ZFAT: variants seen among roughly 807,000 people sequenced by gnomAD.
The protein encoded by ZFAT is zinc finger protein ZFAT.
Under a neutral mutation model 117.7 loss-of-function variants are expected in ZFAT, and 64 were observed. The observed-to-expected ratio is 0.54, with a 90% CI of 0.44 to 0.67. ZFAT has a LOEUF of 0.67. ZFAT is among the 30% of genes least tolerant of loss of function. ZFAT has a pLI of 0.00. For missense variants in ZFAT, 1,433 were observed against 1,584.5 expected, an observed-to-expected ratio of 0.90 and a Z score of 1.62; for synonymous variants, 679 against 615.0, an observed-to-expected ratio of 1.10 and a Z score of -1.54.
intron 11 of ZFAT, among the ~76,000 whole-genome samples, chr8:134,540,412 T>C (rs908957914): frequency 2.0e-5 from 3 of 152,364 alleles, no homozygotes; most frequent in Admixed American, 6.5e-5. Flanking sequence ...AATGTGGTCA[T>C]CTGAGGCTCC....
At chr8:134,683,470 T>C (rs1247266014) in intron 1 of ZFAT, among the ~76,000 whole-genome samples, 1 of 152,116 alleles carries the variant, frequency 6.6e-6, no homozygotes, top group Non-Finnish European at 1.5e-5. Context: ...GAGATCCCTG[T>C]GGCTGGAGCA....
the ZFAT span, among the ~76,000 whole-genome samples, chr8:134,828,026 CT>C: frequency 4.6e-5 from 7 of 152,056 alleles, no homozygotes; most frequent in African/African-American, 1.7e-4. Context: ...GTATACTCAC[CT>C]TTTTTACATG....
chr8:134,483,601 C>G (rs1342411989), intron 15 of ZFAT, among the ~76,000 whole-genome samples: 3 of 152,162 alleles, frequency 2.0e-5, no homozygotes, highest in Non-Finnish European at 4.4e-5. Context: ...TGTCATTATC[C>G]CCTGAGATGA....
At chr8:134,512,918 A>T (rs1232783310) in intron 13 of ZFAT, among the ~76,000 whole-genome samples, 6 of 152,216 alleles carry the variant, frequency 3.9e-5, no homozygotes, top group Non-Finnish European at 8.8e-5. Context: ...ATACACTTAG[A>T]TTCTAACGGC....
chr8:134,598,604 G>C (rs1196915072), intron 7 of ZFAT: 2 of 152,290 alleles, frequency 1.3e-5, no homozygotes, highest in African/African-American at 4.8e-5. Flanking sequence ...TGAACCATGG[G>C]TCCCTCACAA....
the ZFAT span, among the ~76,000 whole-genome samples, chr8:134,734,557 T>C: frequency 6.6e-6 from 1 of 152,170 alleles, no homozygotes; most frequent in Non-Finnish European, 1.5e-5. Flanking sequence ...GAACAAACCC[T>C]CGTGGCACAG....
the ZFAT span, among the ~76,000 whole-genome samples, chr8:134,828,327 C>G: frequency 1.3e-5 from 2 of 152,178 alleles, no homozygotes; most frequent in Non-Finnish European, 2.9e-5. Context: ...TGCCCAGTAT[C>G]CCGAAGTTGG....
intron 1 of ZFAT, 120 bp downstream of exon 1, chr8:134,712,725 G>GGC (rs1193949002): frequency 2.7e-6 from 2 of 750,534 alleles, no homozygotes; most frequent in Non-Finnish European, 3.7e-6. Flanking sequence ...CTCCGCGGCC[G>GGC]GCGGCCGGCG....
intron 12 of ZFAT, among the ~76,000 whole-genome samples, chr8:134,521,603 T>C (rs1563804137): frequency 6.6e-6 from 1 of 152,070 alleles, no homozygotes; most frequent in Admixed American, 6.6e-5. Flanking sequence ...TTAGATGCTT[T>C]AATTAAGAGA....
At chr8:134,801,881 T>C in the ZFAT span, among the ~76,000 whole-genome samples, 1 of 152,314 alleles carries the variant, frequency 6.6e-6, no homozygotes, top group East Asian at 1.9e-4. Context: ...TCTGTGATTC[T>C]GAAAGCATGG....
chr8:134,565,156 G>A, intron 11 of ZFAT, 177 bp downstream of exon 11: 2 of 1,530,590 alleles, frequency 1.3e-6, no homozygotes, highest in Non-Finnish European at 1.7e-6. Context: ...TACGCTTCTG[G>A]AACGAGAGAG....
intron 10 of ZFAT, among the ~76,000 whole-genome samples, chr8:134,581,637 G>A (rs1361040791): frequency 6.6e-6 from 1 of 152,156 alleles, no homozygotes; most frequent in Non-Finnish European, 1.5e-5. Flanking sequence ...CCTGCCTGGA[G>A]TGCAGTGGTG....
At chr8:134,759,935 C>T in the ZFAT span, among the ~76,000 whole-genome samples, 1 of 145,068 alleles carries the variant, frequency 6.9e-6, no homozygotes, top group Non-Finnish European at 1.5e-5. Context: ...CATGCCACTG[C>T]ACTCCAGACT....
chr8:134,791,632 T>C, the ZFAT span, among the ~76,000 whole-genome samples: 3 of 152,250 alleles, frequency 2.0e-5, no homozygotes, highest in Non-Finnish European at 2.9e-5. Context: ...GTAACCTATA[T>C]AGAAGTTCTT....
the ZFAT span, chr8:134,795,684 T>A: frequency 2.6e-5 from 4 of 152,208 alleles, no homozygotes; most frequent in East Asian, 7.7e-4. Flanking sequence ...TCATCTGGGC[T>A]CCAGGTGTGG....
intron 3 of ZFAT, among the ~76,000 whole-genome samples, chr8:134,631,712 G>A (rs1416743111): frequency 1.3e-5 from 2 of 152,186 alleles, no homozygotes; most frequent in Non-Finnish European, 2.9e-5. Context: ...GCCTCCTGGT[G>A]GTGAGCACAG....
chr8:134,774,656 A>T, the ZFAT span, among the ~76,000 whole-genome samples: 1 of 152,214 alleles, frequency 6.6e-6, no homozygotes, highest in South Asian at 2.1e-4. Context: ...ATGCACTGGG[A>T]AATCAAAAAA....
At chr8:134,675,741 T>A (rs181289373) in intron 1 of ZFAT, among the ~76,000 whole-genome samples, 9 of 152,142 alleles carry the variant, frequency 5.9e-5, no homozygotes. Flanking sequence ...TAACAGCGGA[T>A]CTCTCGGCAG....
chr8:134,540,340 C>A (rs914310902), intron 11 of ZFAT, among the ~76,000 whole-genome samples: 2 of 152,102 alleles, frequency 1.3e-5, no homozygotes, highest in African/African-American at 4.8e-5. Flanking sequence ...GCTGGTTTTA[C>A]CCTCTCTATC....
Sources: allele counts gnomAD v4.1 joint callset (sites outside exome capture counted in the v4.1 genomes callset), GRCh38; gene constraint gnomAD v4.1.1; transcripts MANE v1.5; gene names NCBI Gene and HGNC (gene_info 2026-07-23, HGNC 2026-07-21).